Variants in CCDC148 observed in about 807,000 individuals in gnomAD.
The protein encoded by CCDC148 is coiled-coil domain containing 148.
A neutral mutation model predicts 85.7 loss-of-function variants in CCDC148; 89 were observed. The observed-to-expected ratio is 1.04, with a 90% CI of 0.87 to 1.24. The LOEUF is 1.24. Among genes scored for constraint, CCDC148 ranks in the 50% most tolerant of loss-of-function variants. The pLI is 0.00. For missense variants in CCDC148, 692 were observed against 671.7 expected, an observed-to-expected ratio of 1.03 and a Z score of -0.33; for synonymous variants, 230 against 213.9, an observed-to-expected ratio of 1.08 and a Z score of -0.66.
chr2:158,391,420 A>T (rs1414564821), intron 1 of CCDC148, among the ~76,000 whole-genome samples: 1 of 152,176 alleles, frequency 6.6e-6, no homozygotes, highest in East Asian at 1.9e-4. Flanking sequence ...GACACAGATG[A>T]ATTAAACATT....
chr2:158,403,921 T>G lies in CCDC148; in HGVS notation c.26-45351A>C, dbSNP rs539537863. On this transcript the variant is annotated intron_variant, in intron 1 of 13. Coordinates refer to ENST00000283233, the MANE Select transcript of CCDC148 (RefSeq NM_138803.4). Reference sequence around the variant, plus strand: ...AAACAGCAAAGGCACAAACAGTTACTGTGCAGATACAACAAGTCTGAATTC... The same window carrying G: ...AAACAGCAAAGGCACAAACAGTTACGGTGCAGATACAACAAGTCTGAATTC... Among the ~76,000 whole-genome samples the G allele has an allele frequency of 3.3e-5, 5 of 152,138 alleles. No individual in the cohort carries two copies. In the South Asian group the frequency reaches 1.0e-3, roughly 31 times the overall value.
chr2:158,273,871 C>CA (rs552634978), intron 9 of CCDC148, among the ~76,000 whole-genome samples: 12 of 150,578 alleles, frequency 8.0e-5, no homozygotes, highest in South Asian at 2.1e-4. Flanking sequence ...CCCACCCAAC[C>CA]AAAAAAAAAT....
At chr2:158,450,361 T>G (rs1025640696) in intron 1 of CCDC148, among the ~76,000 whole-genome samples, 1 of 152,232 alleles carries the variant, frequency 6.6e-6, no homozygotes, top group African/African-American at 2.4e-5. Flanking sequence ...GGTGATCATT[T>G]GATGACCCAG....
At chr2:158,296,610 C>T (rs978067824) in intron 9 of CCDC148, among the ~76,000 whole-genome samples, 1 of 152,058 alleles carries the variant, frequency 6.6e-6, no homozygotes, top group African/African-American at 2.4e-5. Flanking sequence ...ACCAAGTATC[C>T]TCATTTGCAA....
chr2:158,423,972 A>G (rs955847921), intron 1 of CCDC148, among the ~76,000 whole-genome samples: 3 of 152,256 alleles, frequency 2.0e-5, no homozygotes, highest in Non-Finnish European at 2.9e-5. Flanking sequence ...AAAAATGCTC[A>G]TCATCACTGG....
chr2:158,361,265 A>G (rs1486248609), intron 1 of CCDC148, among the ~76,000 whole-genome samples: 2 of 152,190 alleles, frequency 1.3e-5, no homozygotes, highest in Admixed American at 1.3e-4. Flanking sequence ...GATATTATCC[A>G]GGAGAACTTC....
chr2:158,438,404 C>G lies in CCDC148; in HGVS notation c.25+18011G>C, dbSNP rs574119960. Among the ~76,000 whole-genome samples, 91 of 152,168 alleles carry G rather than the reference C, an allele frequency of 6.0e-4. No homozygotes were observed. In the South Asian group the frequency reaches 0.011, roughly 19 times the overall value. The stretch of plus-strand genomic sequence containing the variant: ...ATTCCCTATTTAATAAATGGTGCTG[C>G]AAAAACTGGCTAGCCATATGTAGAA... On this transcript the variant is annotated intron_variant, in intron 1 of 13. Transcript: ENST00000283233.
At chr2:158,287,130 C>T (rs762342406) in intron 9 of CCDC148, among the ~76,000 whole-genome samples, 2 of 152,054 alleles carry the variant, frequency 1.3e-5, no homozygotes, top group Non-Finnish European at 1.5e-5. Flanking sequence ...TTCACCATCA[C>T]GAGAATAGCA....
intron 9 of CCDC148, among the ~76,000 whole-genome samples, chr2:158,256,232 A>G (rs368657781): frequency 2.6e-5 from 4 of 151,540 alleles, no homozygotes; most frequent in Non-Finnish European, 5.9e-5. Flanking sequence ...AATATTGAAC[A>G]TCTGCTTTTG....
At chr2:158,185,271 T>G (rs1685101100) in intron 11 of CCDC148, among the ~76,000 whole-genome samples, 1 of 152,118 alleles carries the variant, frequency 6.6e-6, no homozygotes, top group Admixed American at 6.6e-5. Flanking sequence ...TAATGGCTAT[T>G]ACTGAACCTC....
At chr2:158,275,256 A>T (rs968516177) in intron 9 of CCDC148, among the ~76,000 whole-genome samples, 1 of 152,238 alleles carries the variant, frequency 6.6e-6, no homozygotes, top group Non-Finnish European at 1.5e-5. Context: ...CTGTGACTCA[A>T]TGTCCTTACC....
intron 7 of CCDC148, among the ~76,000 whole-genome samples, chr2:158,320,345 A>G (rs1225531225): frequency 6.6e-6 from 1 of 152,190 alleles, no homozygotes; most frequent in African/African-American, 2.4e-5. Context: ...TCTGATAGGC[A>G]CTAATACGGC....
At chr2:158,205,855 G>A (rs1686214773) in intron 11 of CCDC148, among the ~76,000 whole-genome samples, 1 of 152,130 alleles carries the variant, frequency 6.6e-6, no homozygotes, top group Admixed American at 6.5e-5. Context: ...GTTCACTGGT[G>A]CCCCGGTGTA....
At chr2:158,223,770 G>A (rs1454678865) in intron 10 of CCDC148, among the ~76,000 whole-genome samples, 1 of 152,196 alleles carries the variant, frequency 6.6e-6, no homozygotes, top group African/African-American at 2.4e-5. Context: ...CTGACTGTTA[G>A]AAGGAAAACT....
chr2:158,441,981 CTTAT>C (rs1277734814), intron 1 of CCDC148, among the ~76,000 whole-genome samples: 1 of 152,056 alleles, frequency 6.6e-6, no homozygotes, highest in Non-Finnish European at 1.5e-5. Flanking sequence ...TAAATACCCT[CTTAT>C]TTAAAAAACC....
chr2:158,281,671 G>C lies in CCDC148; in HGVS notation c.1110+27762C>G, dbSNP rs532214062. The stretch of plus-strand genomic sequence containing the variant: ...ACCAAAAAGAGTCCAGGACCAGATG[G>C]ATTCACAGCCGAATTCTACCAGAGG... On this transcript the variant is annotated intron_variant, in intron 9 of 13. Transcript: ENST00000283233. Among the ~76,000 whole-genome samples the C allele has an allele frequency of 3.9e-4, 60 of 152,280 alleles. 2 individuals are homozygous for C. In the South Asian group the frequency reaches 0.012, roughly 32 times the overall value.
At chr2:158,330,169 T>A (rs1186570435) in intron 7 of CCDC148, among the ~76,000 whole-genome samples, 1 of 152,196 alleles carries the variant, frequency 6.6e-6, no homozygotes, top group Admixed American at 6.5e-5. Context: ...CTTATTATTT[T>A]GAGATACGTC....
intron 10 of CCDC148, among the ~76,000 whole-genome samples, chr2:158,244,746 G>A (rs1688499252): frequency 6.6e-6 from 1 of 152,098 alleles, no homozygotes; most frequent in Non-Finnish European, 1.5e-5. Flanking sequence ...ACCCAATCGT[G>A]GGAGTAAAAT....
rs369586098 is a variant in CCDC148 at position 158,325,929 on chromosome 2, C to T, written c.765-12035G>A. ...TGTCCAATATCTTCTTGCACTTCTA[C>T]CCCCCAGCCCCACAGTTTATCTTAA... is the stretch of plus-strand genomic sequence containing the variant. On this transcript the variant is annotated intron_variant, in intron 7 of 13. Transcript: ENST00000283233. Among the ~76,000 whole-genome samples the T allele has an allele frequency of 6.6e-5, 10 of 152,224 alleles. No homozygotes were observed. In the South Asian group the frequency reaches 1.9e-3, roughly 28 times the overall value.
Sources: allele counts gnomAD v4.1 joint callset (sites outside exome capture counted in the v4.1 genomes callset), GRCh38; gene constraint gnomAD v4.1.1; transcripts MANE v1.5; gene names NCBI Gene and HGNC (gene_info 2026-07-23, HGNC 2026-07-21).